Variants in NUDT3 observed in about 807,000 individuals in gnomAD.
The protein encoded by NUDT3 is nudix hydrolase 3, also known as diphosphoinositol polyphosphate phosphohydrolase 1.
A neutral mutation model predicts 23.6 loss-of-function variants in NUDT3; 9 were observed. The observed-to-expected ratio is 0.38, with a 90% CI of 0.23 to 0.66. NUDT3 has a LOEUF of 0.66. Among genes scored for constraint, NUDT3 ranks in the 30% least tolerant of loss-of-function variants. The probability of loss-of-function intolerance (pLI) is 0.52; values close to 1 mark genes in which losing one functional copy is unlikely to be tolerated. For synonymous variants in NUDT3, 86 were observed against 82.6 expected (o/e 1.04, Z -0.22); for missense variants, 172 against 218.5 (o/e 0.79, Z 1.34).
intron 2 of NUDT3, among the ~76,000 whole-genome samples, chr6:34,302,837 A>C (rs1763620838): frequency 6.6e-6 from 1 of 152,220 alleles, no homozygotes; most frequent in African/African-American, 2.4e-5. Flanking sequence ...CGTACGATCC[A>C]TCTGTAATTT....
At chr6:34,375,068 C>T (rs1397088849) in intron 1 of NUDT3, among the ~76,000 whole-genome samples, 2 of 152,112 alleles carry the variant, frequency 1.3e-5, no homozygotes, top group Non-Finnish European at 2.9e-5. Flanking sequence ...AGAGTTCGGC[C>T]GGGCGCTGTG....
chr6:34,336,505 C>G (rs896981653), intron 2 of NUDT3, among the ~76,000 whole-genome samples: 3 of 152,006 alleles, frequency 2.0e-5, no homozygotes. Context: ...TATTTTCTCC[C>G]ATTCTGTAGA....
At chr6:34,330,801 CAAAAAGAA>C (rs1764115395) in intron 2 of NUDT3, among the ~76,000 whole-genome samples, 1 of 151,206 alleles carries the variant, frequency 6.6e-6, no homozygotes, top group Admixed American at 6.6e-5. Context: ...ACTCTGTCTC[CAAAAAGAA>C]AAAAAGAAAA....
At chr6:34,327,555 TC>T (rs1325141741) in intron 2 of NUDT3, among the ~76,000 whole-genome samples, 1 of 149,512 alleles carries the variant, frequency 6.7e-6, no homozygotes, top group Admixed American at 6.7e-5. Context: ...GAAAGAAAGA[TC>T]AAAGATTTTA....
chr6:34,381,907 T>C (rs1165273185), intron 1 of NUDT3, among the ~76,000 whole-genome samples: 1 of 151,208 alleles, frequency 6.6e-6, no homozygotes, highest in Non-Finnish European at 1.5e-5. Flanking sequence ...ACCCCAGCTG[T>C]ACTAAAAATA....
At chr6:34,386,139 A>C (rs1765103026) in intron 1 of NUDT3, among the ~76,000 whole-genome samples, 1 of 152,262 alleles carries the variant, frequency 6.6e-6, no homozygotes, top group Non-Finnish European at 1.5e-5. Flanking sequence ...CAGACCCAGC[A>C]GCCTGCTGTG....
chr6:34,283,053 C>A lies in NUDT3; in HGVS notation c.*5700G>T, dbSNP rs952157495. The A allele has an allele frequency of 6.6e-6, 1 of 152,154 alleles. No homozygotes were observed. The highest frequency in any genetic ancestry group is 6.5e-5 in the Admixed American group (1 of 15,270). 9.4% of individuals were successfully genotyped at this position (152,154 alleles called of 1,614,324 possible). A position where few individuals can be genotyped will look rare whatever the true frequency, so the allele number is the denominator to read the frequency against. ...AAGACAAGCTCAAAGCTCAAACTCA[C>A]CAAATTACCACTATAAACAAAGCTT... On this transcript the variant is annotated 3_prime_UTR_variant, in exon 5 of 5. Transcript: ENST00000607016.
intron 4 of NUDT3, among the ~76,000 whole-genome samples, chr6:34,289,146 G>T (rs540258890): frequency 5.9e-5 from 9 of 152,276 alleles, no homozygotes; most frequent in Admixed American, 2.6e-4. Flanking sequence ...AAGAGTAATT[G>T]TGTAAAACCT....
chr6:34,309,178 C>T (rs1160137350), intron 2 of NUDT3, among the ~76,000 whole-genome samples: 1 of 151,658 alleles, frequency 6.6e-6, no homozygotes, highest in Non-Finnish European at 1.5e-5. Context: ...CTCAGGAGTT[C>T]GGGACCAGCC....
At chr6:34,373,165 G>A (rs1164620977) in intron 1 of NUDT3, among the ~76,000 whole-genome samples, 1 of 151,296 alleles carries the variant, frequency 6.6e-6, no homozygotes, top group Non-Finnish European at 1.5e-5. Flanking sequence ...TGTAGTCCCA[G>A]CTTCTCGAGA....
intron 2 of NUDT3, among the ~76,000 whole-genome samples, chr6:34,305,252 G>A (rs905075122): frequency 6.6e-6 from 1 of 152,180 alleles, no homozygotes; most frequent in Non-Finnish European, 1.5e-5. Flanking sequence ...AAAGTGCTGG[G>A]ATTATAGGCG....
At chr6:34,357,454 A>G (rs1266270725) in intron 1 of NUDT3, among the ~76,000 whole-genome samples, 1 of 151,988 alleles carries the variant, frequency 6.6e-6, no homozygotes, top group Non-Finnish European at 1.5e-5. Context: ...CTTTCTAAAA[A>G]CTAAAAAATT....
chr6:34,299,045 A>G (rs1763557268), intron 2 of NUDT3, among the ~76,000 whole-genome samples: 1 of 152,182 alleles, frequency 6.6e-6, no homozygotes. Context: ...CAATTTTCCC[A>G]GACTCAGAGT....
chr6:34,315,946 C>CTCT (rs1026324267), intron 2 of NUDT3, among the ~76,000 whole-genome samples: 1 of 152,192 alleles, frequency 6.6e-6, no homozygotes, highest in African/African-American at 2.4e-5. Context: ...CATGGAGGAG[C>CTCT]TCTCGTCATC....
chr6:34,318,647 C>T (rs4711390), intron 2 of NUDT3, among the ~76,000 whole-genome samples: 13,489 of 152,160 alleles, frequency 0.089, 1,333 homozygotes, highest in East Asian at 0.43. Context: ...ATTCTCCTAT[C>T]GGTGGACATT....
At position 34,280,886 on chromosome 6, in the gene NUDT3, T is replaced by C. The variant is rs569891651; in HGVS notation, c.*7867A>G. 9 of 152,230 alleles carry C rather than the reference T, an allele frequency of 5.9e-5. No individual in the cohort carries two copies. Among genetic ancestry groups the C allele is most frequent in the African/African-American group, 1.9e-4 (8 of 41,548 alleles). 9.4% of individuals were successfully genotyped at this position (152,230 alleles called of 1,614,324 possible). On this transcript the variant is annotated 3_prime_UTR_variant, in exon 5 of 5. Transcript: ENST00000607016. ...CCACAGATATTACTCAACTTGGCCA[T>C]TTACGCCTCAGCTAAAACATATGAG...
intron 2 of NUDT3, among the ~76,000 whole-genome samples, chr6:34,329,312 C>A (rs1764090761): frequency 6.6e-6 from 1 of 152,096 alleles, no homozygotes; most frequent in South Asian, 2.1e-4. Context: ...TGAAGTCTCG[C>A]TCTTATCCCC....
intron 2 of NUDT3, among the ~76,000 whole-genome samples, chr6:34,310,878 A>G (rs1415478671): frequency 1.3e-5 from 2 of 152,038 alleles, no homozygotes; most frequent in Non-Finnish European, 1.5e-5. Context: ...CCATCGCATC[A>G]ACAAGCTAAA....
chr6:34,351,198 T>TTAAAAAAAAAAAAAA (rs1764462307), intron 1 of NUDT3, among the ~76,000 whole-genome samples: 2 of 17,894 alleles, frequency 1.1e-4, no homozygotes, highest in Admixed American at 8.9e-4. Context: ...CTCCCCTGCC[T>TTAAAAAAAAAAAAAA]AAAAAAAAAA....
Sources: gnomAD v4.1 joint callset for allele counts (sites outside exome capture counted in the v4.1 genomes callset) on GRCh38, gnomAD v4.1.1 for gene constraint, MANE v1.5 for transcripts, NCBI Gene and HGNC (gene_info 2026-07-23, HGNC 2026-07-21) for gene names.